CCDC178: variants seen among roughly 807,000 people sequenced by gnomAD.
The protein encoded by CCDC178 is coiled-coil domain containing 178.
In CCDC178, 126 loss-of-function variants were observed where a neutral mutation model predicts 117.4. That is an observed-to-expected ratio of 1.07 (90% CI 0.93 to 1.24). The LOEUF (loss-of-function observed/expected upper bound fraction) is 1.24, where lower values mean the gene tolerates loss of function less well. CCDC178 is among the 50% of genes most tolerant of loss of function. CCDC178 has a pLI of 0.00. For missense variants in CCDC178, 1,030 were observed against 986.9 expected (o/e 1.04, Z -0.59); for synonymous variants, 283 against 313.4 (o/e 0.90, Z 1.02).
intron 20 of CCDC178, among the ~76,000 whole-genome samples, chr18:33,126,978 C>A (rs2058012574): frequency 7.1e-6 from 1 of 140,232 alleles, no homozygotes; most frequent in South Asian, 2.2e-4. Flanking sequence ...TTTTTATCTG[C>A]ATTTGGTTAA....
intron 15 of CCDC178, among the ~76,000 whole-genome samples, chr18:33,240,837 T>C (rs2059478588): frequency 6.6e-6 from 1 of 151,912 alleles, no homozygotes; most frequent in Non-Finnish European, 1.5e-5. Flanking sequence ...GAGAAAATTC[T>C]TCCTAGGTCA....
chr18:33,383,381 C>G (rs994851075), intron 5 of CCDC178, among the ~76,000 whole-genome samples: 1 of 151,990 alleles, frequency 6.6e-6, no homozygotes, highest in Non-Finnish European at 1.5e-5. Flanking sequence ...ACAGATGACC[C>G]CCTCAAGTGG....
At chr18:33,173,927 T>G (rs2058633937) in intron 20 of CCDC178, among the ~76,000 whole-genome samples, 1 of 152,208 alleles carries the variant, frequency 6.6e-6, no homozygotes, top group African/African-American at 2.4e-5. Context: ...GATTTACAAT[T>G]GGCTTTTACC....
chr18:33,349,009 G>A (rs747359468), intron 7 of CCDC178, 34 bp from the exon 8 acceptor site: 1 of 1,399,104 alleles, frequency 7.1e-7, no homozygotes, highest in Admixed American at 2.1e-5. Context: ...CAGTAAAGAA[G>A]TACTTAAAGT....
chr18:33,308,755 T>C (rs1055210256), intron 11 of CCDC178, among the ~76,000 whole-genome samples: 2 of 152,132 alleles, frequency 1.3e-5, no homozygotes, highest in Non-Finnish European at 2.9e-5. Context: ...GCGAGTAAGC[T>C]CTCACAAGAT....
intron 5 of CCDC178, among the ~76,000 whole-genome samples, chr18:33,386,647 G>T (rs2063496646): frequency 6.6e-6 from 1 of 152,030 alleles, no homozygotes; most frequent in Admixed American, 6.6e-5. Context: ...ATGCAGAAAA[G>T]GCCTTTGATA....
intron 10 of CCDC178, among the ~76,000 whole-genome samples, chr18:33,324,419 C>T (rs767191440): frequency 6.6e-6 from 1 of 151,794 alleles, no homozygotes; most frequent in African/African-American, 2.4e-5. Flanking sequence ...TTTCTTCAAA[C>T]GTACTGTTAA....
intron 12 of CCDC178, among the ~76,000 whole-genome samples, chr18:33,270,887 G>T (rs941909987): frequency 6.6e-6 from 1 of 151,410 alleles, no homozygotes; most frequent in African/African-American, 2.4e-5. Flanking sequence ...AAAGACAATT[G>T]CATAAAGCAG....
chr18:33,421,516 T>C (rs926275386), intron 2 of CCDC178, among the ~76,000 whole-genome samples: 1 of 152,212 alleles, frequency 6.6e-6, no homozygotes, highest in Non-Finnish European at 1.5e-5. Context: ...TGAATAGATT[T>C]ATAACACAGA....
intron 5 of CCDC178, among the ~76,000 whole-genome samples, chr18:33,373,065 G>C (rs2063321538): frequency 6.6e-6 from 1 of 152,132 alleles, no homozygotes; most frequent in Admixed American, 6.6e-5. Flanking sequence ...TCCATGCAAA[G>C]ACTCTTTCAT....
intron 20 of CCDC178, among the ~76,000 whole-genome samples, chr18:33,180,746 T>C (rs898405386): frequency 2.0e-5 from 3 of 152,070 alleles, no homozygotes; most frequent in African/African-American, 7.2e-5. Context: ...TTTACATTGC[T>C]GTACAAAGTT....
chr18:33,339,645 CA>C (rs1188536896), intron 9 of CCDC178, among the ~76,000 whole-genome samples: 1 of 151,868 alleles, frequency 6.6e-6, no homozygotes, highest in Non-Finnish European at 1.5e-5. Flanking sequence ...GGAAGGGACC[CA>C]GGGGGAGGTA....
At chr18:33,306,228 A>C (rs1030163494) in intron 11 of CCDC178, among the ~76,000 whole-genome samples, 7 of 151,862 alleles carry the variant, frequency 4.6e-5, no homozygotes, top group African/African-American at 1.7e-4. Context: ...TATCATAAAG[A>C]CCTCTTTATC....
In CCDC178 at chr18:33,326,102, G is replaced by A. The variant is rs142922590; in HGVS notation, c.880-2469C>T. Among the ~76,000 whole-genome samples the A allele has an allele frequency of 1.0e-3, 156 of 152,320 alleles. 1 individual carries two copies. The highest frequency in any genetic ancestry group is 3.5e-3 in the African/African-American group (144 of 41,572). ...CTGTTACAGCTCCAAAGGAGAGATG[G>A]CTACCAGGTAGGGCTGTGTTAGGGG... On this transcript the variant is annotated intron_variant, in intron 10 of 22. Transcript: ENST00000383096.
chr18:33,217,374 T>C (rs965748917), intron 18 of CCDC178, among the ~76,000 whole-genome samples: 1 of 152,040 alleles, frequency 6.6e-6, no homozygotes, highest in Non-Finnish European at 1.5e-5. Flanking sequence ...TATAAAGAAA[T>C]CATACATACA....
At chr18:33,339,816 A>T (rs2062792071) in intron 9 of CCDC178, among the ~76,000 whole-genome samples, 1 of 152,116 alleles carries the variant, frequency 6.6e-6, no homozygotes, top group Non-Finnish European at 1.5e-5. Context: ...ACCACCGGTC[A>T]TAATTCTGAG....
intron 14 of CCDC178, among the ~76,000 whole-genome samples, chr18:33,262,532 A>T (rs1202156017): frequency 6.6e-6 from 1 of 152,180 alleles, no homozygotes; most frequent in Non-Finnish European, 1.5e-5. Context: ...ACAGTCCTCA[A>T]CTGAGTCAAA....
chr18:33,248,312 G>A (rs2059574703), intron 14 of CCDC178, among the ~76,000 whole-genome samples: 1 of 151,604 alleles, frequency 6.6e-6, no homozygotes, highest in Non-Finnish European at 1.5e-5. Flanking sequence ...TAGGGTACAT[G>A]TGCACAATGT....
intron 14 of CCDC178, among the ~76,000 whole-genome samples, chr18:33,266,513 T>C (rs2059816959): frequency 1.3e-5 from 2 of 151,828 alleles, no homozygotes; most frequent in African/African-American, 4.8e-5. Flanking sequence ...AAGCTGCTTA[T>C]AACTTTTACA....
Sources: gnomAD v4.1 joint callset for allele counts (sites outside exome capture counted in the v4.1 genomes callset) on GRCh38, gnomAD v4.1.1 for gene constraint, MANE v1.5 for transcripts, NCBI Gene and HGNC (gene_info 2026-07-23, HGNC 2026-07-21) for gene names.